The following P2RY1 variants were observed in gnomAD, a reference collection of about 807,000 sequenced individuals.
P2RY1 encodes purinergic receptor P2Y1, also known as P2Y purinoceptor 1.
A neutral mutation model predicts 22.8 loss-of-function variants in P2RY1; 14 were observed. The ratio of observed to expected loss-of-function variants is 0.61; its 90% CI spans 0.41 to 0.96. The LOEUF is 0.96. Ranked by LOEUF, P2RY1 falls within the 40% of genes least tolerant of loss-of-function variation. The pLI is 0.00. For synonymous variants in P2RY1, 200 were observed against 195.1 expected (o/e 1.03, Z -0.21); for missense variants, 395 against 470.3 (o/e 0.84, Z 1.48).
rs1349032758 is a variant in P2RY1, at chr3:152,836,895, A to G, written c.1113A>G (p.Thr371=). The G allele has an allele frequency of 6.2e-7, 1 of 1,602,110 alleles. No individual in the cohort carries two copies. The highest frequency in any genetic ancestry group is 8.5e-7 in the Non-Finnish European group (1 of 1,173,662). The change falls in exon 1 of 1, where the codon ACA becomes ACG. Residue 371 remains threonine, a synonymous_variant. Transcript: ENST00000305097. The surrounding 1 kb of genome is among the most constrained non-coding windows in gnomAD (Gnocchi z 5.6). ...CTGAGTTCAAGCAGAATGGAGATAC[A>G]AGCCTGTGAAGGCACAAGAATCTCC... is the stretch of plus-strand genomic sequence containing the variant. ...ILPEFKQNGD[T]SL
Position 152,839,653 on chromosome 3 carries a change from G to A in P2RY1, c.*2749G>A, listed in dbSNP as rs2108029300. On this transcript the variant is annotated 3_prime_UTR_variant, in exon 1 of 1. Coordinates refer to ENST00000305097, the MANE Select transcript of P2RY1 (RefSeq NM_002563.5). ...AATTCAGAGTTAAAACCATGATGTT[G>A]CCGCTCAGCCAGCTATGTGACTGTT... 1 of 152,304 alleles carries A rather than the reference G, an allele frequency of 6.6e-6. No individual in the cohort carries two copies. The highest frequency in any genetic ancestry group is 2.4e-5 in the African/African-American group (1 of 41,574). The allele number at this position is 152,304 out of a possible 1,614,324, so 9.4% of individuals were successfully genotyped here.
At position 152,835,698 on chromosome 3, in the gene P2RY1, C is replaced by G. The variant is rs1301372140; in HGVS notation, c.-85C>G. ...TGCTCCCTTCCGCTCGCTGGCTTTTCCGATGCTTGCTGCGCCCCTGGCCGC... is the reference window on the plus strand; with the variant it reads ...TGCTCCCTTCCGCTCGCTGGCTTTTGCGATGCTTGCTGCGCCCCTGGCCGC... On this transcript the variant is annotated 5_prime_UTR_variant, in exon 1 of 1. Transcript: ENST00000305097. 8 of 1,351,468 alleles carry G rather than the reference C, an allele frequency of 5.9e-6. No homozygotes were observed. Among genetic ancestry groups the G allele is most frequent in the Non-Finnish European group, 2.0e-6 (2 of 1,010,582 alleles). The allele number at this position is 1,351,468 out of a possible 1,614,324, so 83.7% of individuals were successfully genotyped here.
rs1716234615 is a variant in P2RY1, at chr3:152,838,835, A to T, written c.*1931A>T. On this transcript the variant is annotated 3_prime_UTR_variant, in exon 1 of 1. Transcript: ENST00000305097. ...TATTTTGAGGAAAGAGAGGGTTAGC[A>T]AAGTTCTCACTTCATCAGGCTCAAA... is the stretch of plus-strand genomic sequence containing the variant. 6.6e-6 allele frequency: 1 copy of T among 152,238 alleles called. No homozygotes were observed. Among genetic ancestry groups the T allele is most frequent in the Non-Finnish European group, 1.5e-5 (1 of 68,036 alleles). The allele number at this position is 152,238 out of a possible 1,614,324, so 9.4% of individuals were successfully genotyped here.
Position 152,835,862 on chromosome 3 carries a change from A to G in P2RY1, c.80A>G (p.Asn27Ser). 1 of 1,613,536 alleles carries G rather than the reference A, an allele frequency of 6.2e-7. No individual in the cohort carries two copies. Among genetic ancestry groups the G allele is most frequent in the Non-Finnish European group, 8.5e-7 (1 of 1,180,028 alleles). The change falls in exon 1 of 1, where the codon AAC becomes AGC. Residue 27 changes from asparagine to serine, a missense_variant. By Grantham distance (46) the Asn-to-Ser change is conservative. This residue lies in a region of P2RY1 where 98 missense variants were observed against 87.7 expected (regional missense o/e 1.12). Coordinates refer to ENST00000305097, the MANE Select transcript of P2RY1 (RefSeq NM_002563.5). The stretch of plus-strand genomic sequence containing the variant: ...GCCGGTCCGGGTTCGTCCTGGGGGA[A>G]CAGCACGGTCGCCTCCACTGCCGCC... Reference protein sequence around the residue: ...FLAGPGSSWGNSTVASTAAVS... With the variant: ...FLAGPGSSWGSSTVASTAAVS...
chr3:152,837,681 T>C lies in P2RY1; in HGVS notation c.*777T>C, dbSNP rs1246857632. On this transcript the variant is annotated 3_prime_UTR_variant, in exon 1 of 1. Coordinates refer to ENST00000305097, the MANE Select transcript of P2RY1 (RefSeq NM_002563.5). ...TAAACACCATGAGCTCTCTTAGACA[T>C]CTTGTGATAAAGAGCATTTACTTGC... is the stretch of plus-strand genomic sequence containing the variant. The C allele has an allele frequency of 6.0e-6, 1 of 167,102 alleles. No homozygotes were observed. The highest frequency in any genetic ancestry group is 2.4e-5 in the African/African-American group (1 of 41,466). 10.4% of individuals were successfully genotyped at this position (167,102 alleles called of 1,614,324 possible). A position where few individuals can be genotyped will look rare whatever the true frequency, so the allele number is the denominator to read the frequency against.
Position 152,836,626 on chromosome 3 carries a change from A to G in P2RY1, c.844A>G (p.Met282Val), listed in dbSNP as rs759907754. 1.2e-6 allele frequency: 2 copies of G among 1,614,174 alleles called. No individual in the cohort carries two copies. The highest frequency in any genetic ancestry group is 1.7e-6 in the Non-Finnish European group (2 of 1,180,038). Residue 282 changes from methionine (M) to valine (V), a missense_variant, in exon 1 of 1, where the codon ATG (methionine) becomes GTG (valine). This residue lies in a region of P2RY1 where 291 missense variants were observed against 361.6 expected (regional missense o/e 0.80). Coordinates refer to ENST00000305097, the MANE Select transcript of P2RY1 (RefSeq NM_002563.5). This position sits in a 1 kb window ranked among gnomAD's most constrained non-coding sequence, Gnocchi z 5.6. ...CATCCCTTTCCATGTGATGAAAACGATGAACTTGAGGGCCCGGCTTGATTT... is the reference window on the plus strand; with the variant it reads ...CATCCCTTTCCATGTGATGAAAACGGTGAACTTGAGGGCCCGGCTTGATTT... The part of the protein sequence containing the change: ...SYIPFHVMKT[M>V]NLRARLDFQT...
rs1346436865 is a variant in P2RY1, at chr3:152,841,409, GA to G, written c.*4510del. The stretch of plus-strand genomic sequence containing the variant: ...GTACTTACCATGGACAGTTAAAACT[GA>G]AAAAGACTCAATAAAACTATGAAAC... On this transcript the variant is annotated 3_prime_UTR_variant, in exon 1 of 1. Coordinates refer to ENST00000305097, the MANE Select transcript of P2RY1 (RefSeq NM_002563.5). The G allele has an allele frequency of 6.6e-6, 1 of 151,922 alleles. No homozygotes were observed. Among genetic ancestry groups the G allele is most frequent in the African/African-American group, 2.4e-5 (1 of 41,330 alleles). The allele number at this position is 151,922 out of a possible 1,614,324, so 9.4% of individuals were successfully genotyped here. A position where few individuals can be genotyped will look rare whatever the true frequency, so the allele number is the denominator to read the frequency against.
chr3:152,840,516 G>A lies in P2RY1; in HGVS notation c.*3612G>A, dbSNP rs1314763185. 1 of 152,042 alleles carries A rather than the reference G, an allele frequency of 6.6e-6. No individual in the cohort carries two copies. Among genetic ancestry groups the A allele is most frequent in the African/African-American group, 2.4e-5 (1 of 41,406 alleles). The allele number at this position is 152,042 out of a possible 1,614,324, so 9.4% of individuals were successfully genotyped here. A position where few individuals can be genotyped will look rare whatever the true frequency, so the allele number is the denominator to read the frequency against. On this transcript the variant is annotated 3_prime_UTR_variant, in exon 1 of 1. Transcript: ENST00000305097. ...AGTATTGTCACTAAATATGATCAAA[G>A]CTTCCCTTTCCAAATGCAAAAGTCT... is the stretch of plus-strand genomic sequence containing the variant.
chr3:152,836,893 A>G lies in P2RY1; in HGVS notation c.1111A>G (p.Thr371Ala). ...ACCTGAGTTCAAGCAGAATGGAGAT[A>G]CAAGCCTGTGAAGGCACAAGAATCT... ...ILPEFKQNGD[T>A]SL Residue 371 changes from threonine (T) to alanine (A), a missense_variant, in exon 1 of 1, where the codon ACA (threonine) becomes GCA (alanine). Coordinates refer to ENST00000305097, the MANE Select transcript of P2RY1 (RefSeq NM_002563.5). The surrounding 1 kb of genome is among the most constrained non-coding windows in gnomAD (Gnocchi z 5.6). 1 of 1,605,806 alleles carries G rather than the reference A, an allele frequency of 6.2e-7. No individual in the cohort carries two copies. Among genetic ancestry groups the G allele is most frequent in the Non-Finnish European group, 8.5e-7 (1 of 1,175,520 alleles).
rs1716151072 is a variant in P2RY1, at chr3:152,836,177, A to G, written c.395A>G (p.His132Arg). ...TGTAAACTGCAGAGGTTCATCTTTC[A>G]TGTGAACCTCTATGGCAGCATCTTG... ...AMCKLQRFIF[H>R]VNLYGSILFL... The change falls in exon 1 of 1, where the codon CAT becomes CGT. Residue 132 changes from histidine to arginine, a missense_variant. This residue lies in a region of P2RY1 where 291 missense variants were observed against 361.6 expected (regional missense o/e 0.80). Coordinates refer to ENST00000305097, the MANE Select transcript of P2RY1 (RefSeq NM_002563.5). This position sits in a 1 kb window ranked among gnomAD's most constrained non-coding sequence, Gnocchi z 5.6. 1 of 1,614,000 alleles carries G rather than the reference A, an allele frequency of 6.2e-7. No individual in the cohort carries two copies. The highest frequency in any genetic ancestry group is 1.3e-5 in the African/African-American group (1 of 74,884).
chr3:152,837,797 A>T lies in P2RY1; in HGVS notation c.*893A>T, dbSNP rs1294801615. On this transcript the variant is annotated 3_prime_UTR_variant, in exon 1 of 1. Coordinates refer to ENST00000305097, the MANE Select transcript of P2RY1 (RefSeq NM_002563.5). ...AAAAACAATTTTAAGAATTGCAAATAAATTACAGACCAAAGATTGAGTAAA... is the reference window on the plus strand; with the variant it reads ...AAAAACAATTTTAAGAATTGCAAATTAATTACAGACCAAAGATTGAGTAAA... 3 of 167,118 alleles carry T rather than the reference A, an allele frequency of 1.8e-5. No individual in the cohort carries two copies. The highest frequency in any genetic ancestry group is 7.2e-5 in the African/African-American group (3 of 41,466). The allele number at this position is 167,118 out of a possible 1,614,324, so 10.4% of individuals were successfully genotyped here. A position where few individuals can be genotyped will look rare whatever the true frequency, so the allele number is the denominator to read the frequency against.
In P2RY1 at chr3:152,835,637, C is replaced by T; in HGVS notation, c.-146C>T. ...GGGGCCAGAGCTGGCGTGGGCGAGC[C>T]CCTGCGCGCCCCCTCCCGCGGGGAT... On this transcript the variant is annotated 5_prime_UTR_variant, in exon 1 of 1. Coordinates refer to ENST00000305097, the MANE Select transcript of P2RY1 (RefSeq NM_002563.5). 5 of 765,524 alleles carry T rather than the reference C, an allele frequency of 6.5e-6. No individual in the cohort carries two copies. Among genetic ancestry groups the T allele is most frequent in the Non-Finnish European group, 1.0e-5 (5 of 492,906 alleles). 47.4% of individuals were successfully genotyped at this position (765,524 alleles called of 1,614,324 possible). A position where few individuals can be genotyped will look rare whatever the true frequency, so the allele number is the denominator to read the frequency against.
rs534383970 is a variant in P2RY1 at position 152,838,266 on chromosome 3, C to G, written c.*1362C>G. On this transcript the variant is annotated 3_prime_UTR_variant, in exon 1 of 1. Transcript: ENST00000305097. ...GTCAGTGTTTTCTATTATATTTGTT[C>G]TCTGCCAGGTGTTAATGAAAAATTT... The G allele has an allele frequency of 6.6e-6, 1 of 152,128 alleles. No homozygotes were observed. The highest frequency in any genetic ancestry group is 1.5e-5 in the Non-Finnish European group (1 of 68,014). The allele number at this position is 152,128 out of a possible 1,614,324, so 9.4% of individuals were successfully genotyped here.
chr3:152,837,069 CTT>C lies in P2RY1; in HGVS notation c.*166_*167del, dbSNP rs1716183994. 2 of 618,514 alleles carry C rather than the reference CTT, an allele frequency of 3.2e-6. No individual in the cohort carries two copies. 38.3% of individuals were successfully genotyped at this position (618,514 alleles called of 1,614,324 possible). ...TAGAAATGCCCACATCCACACTTAGCTTGTTTGGGTTTGCTTTCACAGTCTCT... is the reference window on the plus strand; with the variant it reads ...TAGAAATGCCCACATCCACACTTAGCGTTTGGGTTTGCTTTCACAGTCTCT... On this transcript the variant is annotated 3_prime_UTR_variant, in exon 1 of 1. Coordinates refer to ENST00000305097, the MANE Select transcript of P2RY1 (RefSeq NM_002563.5).
In P2RY1 at chr3:152,835,518, C is replaced by T. The variant is rs1716127123; in HGVS notation, c.-265C>T. The stretch of plus-strand genomic sequence containing the variant: ...TTCCCTGCGCGCCCTGTTGTGTAAG[C>T]TCGGCGTTGCCAGCGGACGGAGAAG... On this transcript the variant is annotated 5_prime_UTR_variant, in exon 1 of 1. Coordinates refer to ENST00000305097, the MANE Select transcript of P2RY1 (RefSeq NM_002563.5). The T allele has an allele frequency of 4.1e-6, 2 of 488,810 alleles. No individual in the cohort carries two copies. The highest frequency in any genetic ancestry group is 2.1e-5 in the African/African-American group (1 of 48,574). The allele number at this position is 488,810 out of a possible 1,614,324, so 30.3% of individuals were successfully genotyped here. A position where few individuals can be genotyped will look rare whatever the true frequency, so the allele number is the denominator to read the frequency against.
rs1347050483 is a variant in P2RY1 at position 152,839,040 on chromosome 3, T to C, written c.*2136T>C. ...ACAATATTTCTTCACCATTTAGTTT[T>C]CTTTCTTTTAGGTCTCAGGATGCTC... On this transcript the variant is annotated 3_prime_UTR_variant, in exon 1 of 1. Coordinates refer to ENST00000305097, the MANE Select transcript of P2RY1 (RefSeq NM_002563.5). 1 of 152,228 alleles carries C rather than the reference T, an allele frequency of 6.6e-6. No individual in the cohort carries two copies. Among genetic ancestry groups the C allele is most frequent in the African/African-American group, 2.4e-5 (1 of 41,470 alleles). 9.4% of individuals were successfully genotyped at this position (152,228 alleles called of 1,614,324 possible). A position where few individuals can be genotyped will look rare whatever the true frequency, so the allele number is the denominator to read the frequency against.
Position 152,835,430 on chromosome 3 carries a change from GC to G in P2RY1, c.-352del, listed in dbSNP as rs1716121288. The G allele has an allele frequency of 3.4e-6, 1 of 289,982 alleles. No individual in the cohort carries two copies. Among genetic ancestry groups the G allele is most frequent in the Non-Finnish European group, 6.4e-6 (1 of 156,668 alleles). The allele number at this position is 289,982 out of a possible 1,614,324, so 18.0% of individuals were successfully genotyped here. A position where few individuals can be genotyped will look rare whatever the true frequency, so the allele number is the denominator to read the frequency against. On this transcript the variant is annotated 5_prime_UTR_variant, in exon 1 of 1. Coordinates refer to ENST00000305097, the MANE Select transcript of P2RY1 (RefSeq NM_002563.5). Reference sequence around the variant, plus strand: ...CCCTTGACCTCGCTGCGCCTCTGGCGCGCTCTGCAGCGCGGACCCGCGGCCC... The same window carrying G: ...CCCTTGACCTCGCTGCGCCTCTGGCGGCTCTGCAGCGCGGACCCGCGGCCC...
Position 152,835,712 on chromosome 3 carries a change from G to A in P2RY1, c.-71G>A, listed in dbSNP as rs917575908. On this transcript the variant is annotated 5_prime_UTR_variant, in exon 1 of 1. Coordinates refer to ENST00000305097, the MANE Select transcript of P2RY1 (RefSeq NM_002563.5). Reference sequence around the variant, plus strand: ...CGCTGGCTTTTCCGATGCTTGCTGCGCCCCTGGCCGCCGCTGCCCTCTCGC... The same window carrying A: ...CGCTGGCTTTTCCGATGCTTGCTGCACCCCTGGCCGCCGCTGCCCTCTCGC... 3 of 1,411,804 alleles carry A rather than the reference G, an allele frequency of 2.1e-6. No individual in the cohort carries two copies. In the South Asian group the frequency reaches 4.2e-5, roughly 20 times the overall value. The allele number at this position is 1,411,804 out of a possible 1,614,324, so 87.5% of individuals were successfully genotyped here.
chr3:152,837,664 A>G lies in P2RY1; in HGVS notation c.*760A>G, dbSNP rs567126484. The G allele has an allele frequency of 5.3e-4, 88 of 167,218 alleles. No individual in the cohort carries two copies. The highest frequency in any genetic ancestry group is 4.6e-4 in the Non-Finnish European group (31 of 68,110). 10.4% of individuals were successfully genotyped at this position (167,218 alleles called of 1,614,324 possible). ...TGCATGTATTTTCCTTGTAAACACC[A>G]TGAGCTCTCTTAGACATCTTGTGAT... On this transcript the variant is annotated 3_prime_UTR_variant, in exon 1 of 1. Coordinates refer to ENST00000305097, the MANE Select transcript of P2RY1 (RefSeq NM_002563.5).
Sources: allele counts gnomAD v4.1 joint callset, GRCh38; gene constraint gnomAD v4.1.1; regional missense constraint gnomAD v4.1.1; non-coding constraint Gnocchi (gnomAD v3.1); transcripts MANE v1.5; gene names NCBI Gene and HGNC (gene_info 2026-07-23, HGNC 2026-07-21).